Variants in ANO10 observed in about 807,000 individuals in gnomAD.
The protein encoded by ANO10 is anoctamin 10.
In ANO10, 77 loss-of-function variants were observed where a neutral mutation model predicts 74.7. The ratio of observed to expected loss-of-function variants is 1.03; its 90% confidence interval spans 0.86 to 1.25. The LOEUF (loss-of-function observed/expected upper bound fraction) is 1.25, where lower values mean the gene tolerates loss of function less well. Among genes scored for constraint, ANO10 ranks in the 50% most tolerant of loss-of-function variants. ANO10 has a pLI of 0.00. For synonymous variants in ANO10, 279 were observed against 284.9 expected, an observed-to-expected ratio of 0.98 and a Z score of 0.21; for missense variants, 721 against 778.1, an observed-to-expected ratio of 0.93 and a Z score of 0.87.
At chr3:43,593,678 G>A (rs1210498584) in intron 4 of ANO10, among the ~76,000 whole-genome samples, 2 of 152,138 alleles carry the variant, frequency 1.3e-5, no homozygotes, top group Admixed American at 6.5e-5. Context: ...AAAGACCATC[G>A]AGGCTAGGAA....
chr3:43,475,895 C>A (rs1053363033), intron 11 of ANO10, among the ~76,000 whole-genome samples: 1 of 152,180 alleles, frequency 6.6e-6, no homozygotes, highest in African/African-American at 2.4e-5. Flanking sequence ...AACCACCACA[C>A]CTGGCCTACA....
At chr3:43,535,060 G>A (rs771839091) in intron 11 of ANO10, among the ~76,000 whole-genome samples, 3 of 149,856 alleles carry the variant, frequency 2.0e-5, no homozygotes, top group Non-Finnish European at 3.0e-5. Context: ...TGTAACCTTC[G>A]CCTCCCAGGT....
chr3:43,370,406 C>T (rs1234137845), intron 12 of ANO10, among the ~76,000 whole-genome samples: 1 of 152,136 alleles, frequency 6.6e-6, no homozygotes, highest in Non-Finnish European at 1.5e-5. Context: ...CACAAATAAG[C>T]GAGCTGGGGC....
chr3:43,634,293 T>C (rs1329550586), intron 1 of ANO10, among the ~76,000 whole-genome samples: 1 of 152,150 alleles, frequency 6.6e-6, no homozygotes, highest in Non-Finnish European at 1.5e-5. Context: ...TTTACATGTC[T>C]TTTAATAATT....
intron 1 of ANO10, among the ~76,000 whole-genome samples, chr3:43,654,341 A>G (rs2083822734): frequency 6.6e-6 from 1 of 152,194 alleles, no homozygotes. Flanking sequence ...CGACCCCTAG[A>G]TAACATCTCA....
At chr3:43,500,139 C>A (rs2077048956) in intron 11 of ANO10, among the ~76,000 whole-genome samples, 1 of 152,180 alleles carries the variant, frequency 6.6e-6, no homozygotes, top group Admixed American at 6.5e-5. Context: ...AGCCACTGCG[C>A]CCAGCCCCAT....
At chr3:43,374,938 T>C (rs1020287486) in intron 12 of ANO10, among the ~76,000 whole-genome samples, 7 of 151,896 alleles carry the variant, frequency 4.6e-5, no homozygotes, top group East Asian at 1.9e-4. Context: ...CTAGCCAACA[T>C]AGTGAAACTC....
chr3:43,577,918 C>A (rs780888222), intron 5 of ANO10, among the ~76,000 whole-genome samples: 4 of 152,126 alleles, frequency 2.6e-5, no homozygotes, highest in Non-Finnish European at 5.9e-5. Flanking sequence ...TCTGTGAACT[C>A]AACACAAGCT....
intron 11 of ANO10, among the ~76,000 whole-genome samples, chr3:43,482,149 T>C (rs1163281577): frequency 1.3e-5 from 2 of 151,956 alleles, no homozygotes; most frequent in Admixed American, 1.3e-4. Flanking sequence ...AGGATGGTCT[T>C]GATCTCCTGA....
At chr3:43,389,261 T>C (rs1481785695) in intron 12 of ANO10, among the ~76,000 whole-genome samples, 1 of 152,238 alleles carries the variant, frequency 6.6e-6, no homozygotes, top group Non-Finnish European at 1.5e-5. Flanking sequence ...TGCTTTCTTA[T>C]ATGAAGCCAA....
At chr3:43,599,046 T>C (rs1022192185) in intron 3 of ANO10, among the ~76,000 whole-genome samples, 8 of 152,244 alleles carry the variant, frequency 5.3e-5, no homozygotes, top group Admixed American at 3.3e-4. Flanking sequence ...AGTTTGCCTA[T>C]ATGGCAAATT....
chr3:43,517,596 G>A (rs1216048847), intron 11 of ANO10, among the ~76,000 whole-genome samples: 1 of 152,146 alleles, frequency 6.6e-6, no homozygotes, highest in East Asian at 1.9e-4. Flanking sequence ...AATTGGTCAT[G>A]TTAGGATATA....
At chr3:43,528,542 T>C (rs1444484570) in intron 11 of ANO10, among the ~76,000 whole-genome samples, 1 of 151,860 alleles carries the variant, frequency 6.6e-6, no homozygotes, top group African/African-American at 2.4e-5. Flanking sequence ...ATCTTAGAAA[T>C]AGTGATAAAT....
intron 1 of ANO10, among the ~76,000 whole-genome samples, chr3:43,650,937 T>C (rs1027907039): frequency 3.3e-5 from 5 of 152,192 alleles, no homozygotes; most frequent in African/African-American, 1.2e-4. Context: ...AGGAGCACAA[T>C]AGCATCCTCC....
intron 11 of ANO10, among the ~76,000 whole-genome samples, chr3:43,524,114 TGAA>T (rs1230655232): frequency 1.3e-5 from 2 of 151,968 alleles, no homozygotes; most frequent in African/African-American, 4.8e-5. Flanking sequence ...AATGATTGAA[TGAA>T]GAAGAAGAGG....
intron 1 of ANO10, among the ~76,000 whole-genome samples, chr3:43,666,223 T>A (rs956616209): frequency 3.3e-5 from 5 of 152,098 alleles, no homozygotes; most frequent in African/African-American, 1.2e-4. Flanking sequence ...TTGTTTTCTT[T>A]CTCTCAAGAG....
Position 43,577,226 on chromosome 3 carries a change from G to C in ANO10, c.628C>G (p.Leu210Val). The change falls in exon 6 of 13, where the codon CTG becomes GTG. Residue 210 changes from leucine to valine, a missense_variant. Transcript: ENST00000292246. ...AAATACTCCAAAAATCCAAAGTACA[G>C]AGCAATTGTTTCCCCAAAGTAGCCA... is the stretch of plus-strand genomic sequence containing the variant. ...IRGYFGETIA[L>V]YFGFLEYFTF... is the part of the protein sequence containing the mutation. The C allele has an allele frequency of 1.2e-6, 2 of 1,614,092 alleles. No individual in the cohort carries two copies. Among genetic ancestry groups the C allele is most frequent in the Non-Finnish European group, 1.7e-6 (2 of 1,180,022 alleles).
chr3:43,448,703 A>G (rs1246065243), intron 11 of ANO10, among the ~76,000 whole-genome samples: 2 of 152,206 alleles, frequency 1.3e-5, no homozygotes, highest in Non-Finnish European at 1.5e-5. Flanking sequence ...CCATTTGGGT[A>G]AATACCAAGG....
chr3:43,587,609 G>A (rs1347178433), intron 4 of ANO10, among the ~76,000 whole-genome samples: 1 of 152,170 alleles, frequency 6.6e-6, no homozygotes, highest in African/African-American at 2.4e-5. Flanking sequence ...CTGCTTCTGG[G>A]AAATGCAAAG....
Sources: allele counts gnomAD v4.1 joint callset (sites outside exome capture counted in the v4.1 genomes callset), GRCh38; gene constraint gnomAD v4.1.1; transcripts MANE v1.5; gene names NCBI Gene and HGNC (gene_info 2026-07-23, HGNC 2026-07-21).